The following CSMD3 variants were observed in gnomAD, a reference collection of about 807,000 sequenced individuals.
CSMD3 encodes CUB and sushi domain-containing protein 3.
Under a neutral mutation model 435.2 loss-of-function variants are expected in CSMD3, and 177 were observed. That is an observed-to-expected ratio of 0.41 (90% CI 0.36 to 0.46). CSMD3 has a LOEUF of 0.46. Among genes scored for constraint, CSMD3 ranks in the 20% least tolerant of loss-of-function variants. CSMD3 has a pLI of 0.34. For missense variants in CSMD3, 4,265 were observed against 4,504.6 expected, an observed-to-expected ratio of 0.95 and a Z score of 1.52; for synonymous variants, 1,656 against 1,520.5, an observed-to-expected ratio of 1.09 and a Z score of -2.07.
intron 1 of CSMD3, among the ~76,000 whole-genome samples, chr8:113,416,233 A>G (rs932271197): frequency 7.2e-5 from 11 of 152,110 alleles, no homozygotes; most frequent in African/African-American, 2.4e-4. Flanking sequence ...TTAAAATAGG[A>G]TAGACTACTG....
At chr8:112,505,680 G>A (rs1054512775) in intron 29 of CSMD3, among the ~76,000 whole-genome samples, 54 of 151,280 alleles carry the variant, frequency 3.6e-4, no homozygotes, top group African/African-American at 1.2e-3. Context: ...TAGTTATTAC[G>A]TTTTTTTTCT....
intron 9 of CSMD3, among the ~76,000 whole-genome samples, chr8:112,932,760 A>G (rs1359181962): frequency 2.0e-5 from 3 of 152,168 alleles, no homozygotes; most frequent in Non-Finnish European, 2.9e-5. Context: ...TAATTTCAGT[A>G]TTTGATAGCA....
intron 9 of CSMD3, 87 bp from the exon 10 acceptor site, chr8:112,921,838 T>C: frequency 1.0e-6 from 1 of 1,003,820 alleles, no homozygotes; most frequent in Non-Finnish European, 1.6e-6. Context: ...ATCCAATAGG[T>C]CAAATATGTA....
intron 9 of CSMD3, among the ~76,000 whole-genome samples, chr8:112,932,624 C>T (rs555435182): frequency 4.7e-5 from 7 of 147,538 alleles, no homozygotes; most frequent in South Asian, 2.1e-4. Flanking sequence ...GGAGACAGAG[C>T]GAGAAAAAAA....
At chr8:113,035,809 T>C (rs2087322626) in intron 5 of CSMD3, among the ~76,000 whole-genome samples, 1 of 151,942 alleles carries the variant, frequency 6.6e-6, no homozygotes, top group South Asian at 2.1e-4. Flanking sequence ...GAAAAGATCA[T>C]CTTCCCTATG....
chr8:112,535,478 C>T (rs1586625259), intron 27 of CSMD3, among the ~76,000 whole-genome samples: 2 of 151,472 alleles, frequency 1.3e-5, no homozygotes, highest in African/African-American at 2.4e-5. Context: ...TGTGAAGGAC[C>T]TCTTCAAGGA....
chr8:112,959,026 G>A (rs2084135254), intron 7 of CSMD3, among the ~76,000 whole-genome samples: 1 of 152,008 alleles, frequency 6.6e-6, no homozygotes, highest in African/African-American at 2.4e-5. Flanking sequence ...TTCCTGGCTT[G>A]AAGTTCCTCT....
At chr8:112,756,419 C>T (rs890938615) in intron 13 of CSMD3, among the ~76,000 whole-genome samples, 1 of 152,142 alleles carries the variant, frequency 6.6e-6, no homozygotes, top group Non-Finnish European at 1.5e-5. Flanking sequence ...GAATAAATCT[C>T]AAACAGCATA....
intron 5 of CSMD3, among the ~76,000 whole-genome samples, chr8:113,092,699 A>G (rs1376621547): frequency 6.6e-6 from 1 of 152,068 alleles, no homozygotes; most frequent in Non-Finnish European, 1.5e-5. Context: ...CTCAACTTGA[A>G]CAAGATATGA....
rs373139204 is a variant in CSMD3 at position 112,556,327 on chromosome 8, T to C, written c.4234+436A>G. On this transcript the variant is annotated intron_variant, in intron 25 of 70. Transcript: ENST00000297405. ...CATTCCTTTTCCTACTGAAATTGAGTGCTATGCTGTAACATGCATGAGAAA... is the reference window on the plus strand; with the variant it reads ...CATTCCTTTTCCTACTGAAATTGAGCGCTATGCTGTAACATGCATGAGAAA... Among the ~76,000 whole-genome samples, 55 of 152,134 alleles carry C rather than the reference T, an allele frequency of 3.6e-4. 1 individual carries two copies. Among genetic ancestry groups the C allele is most frequent in the African/African-American group, 1.3e-3 (53 of 41,530 alleles).
At chr8:113,322,321 T>G (rs1007597351) in intron 1 of CSMD3, among the ~76,000 whole-genome samples, 4 of 152,162 alleles carry the variant, frequency 2.6e-5, no homozygotes, top group African/African-American at 9.7e-5. Flanking sequence ...CACATGCACA[T>G]TAGGAACACA....
chr8:112,300,937 CTG>C (rs1204115229), intron 53 of CSMD3, among the ~76,000 whole-genome samples: 3 of 152,072 alleles, frequency 2.0e-5, no homozygotes, highest in Non-Finnish European at 4.4e-5. Context: ...GACAAAAACA[CTG>C]TACAAATTTT....
rs181069703 is a variant in CSMD3, at chr8:113,078,263, T to C, written c.917+20493A>G. Among the ~76,000 whole-genome samples, 30 of 152,280 alleles carry C rather than the reference T, an allele frequency of 2.0e-4. No individual in the cohort carries two copies. In the East Asian group the frequency reaches 5.4e-3, roughly 27 times the overall value. On this transcript the variant is annotated intron_variant, in intron 5 of 70. Transcript: ENST00000297405. ...GAGTGGTTCTGGGGAATAGGAGATA[T>C]GCTATTTATTTATTTATTATTTAAT...
intron 7 of CSMD3, among the ~76,000 whole-genome samples, chr8:112,957,743 G>A (rs989283344): frequency 1.4e-5 from 2 of 141,558 alleles, no homozygotes; most frequent in East Asian, 2.2e-4. Context: ...CACAGCTCCC[G>A]GGCGTGTTTG....
rs143246269 is a variant in CSMD3, at chr8:112,748,832, T to G, written c.1972+51330A>C. On this transcript the variant is annotated intron_variant, in intron 13 of 70. Transcript: ENST00000297405. The stretch of plus-strand genomic sequence containing the variant: ...CCATGTGTATTTATATTAGAATGCT[T>G]TATATTCCTCTGGATATATACCCAG... Among the ~76,000 whole-genome samples the G allele has an allele frequency of 2.0e-3, 312 of 152,338 alleles. 1 individual carries two copies. Among genetic ancestry groups the G allele is most frequent in the African/African-American group, 7.0e-3 (289 of 41,576 alleles).
At chr8:112,698,573 T>C (rs1173250198) in intron 13 of CSMD3, among the ~76,000 whole-genome samples, 1 of 151,976 alleles carries the variant, frequency 6.6e-6, no homozygotes, top group Non-Finnish European at 1.5e-5. Context: ...CCAATAAAAG[T>C]AGGGTGTACT....
At chr8:112,957,262 C>T (rs1250024487) in intron 7 of CSMD3, among the ~76,000 whole-genome samples, 1 of 151,916 alleles carries the variant, frequency 6.6e-6, no homozygotes, top group Non-Finnish European at 1.5e-5. Context: ...AGAAAATTAA[C>T]CTGATTTTTT....
At chr8:112,750,867 T>C (rs1173956696) in intron 13 of CSMD3, among the ~76,000 whole-genome samples, 2 of 152,122 alleles carry the variant, frequency 1.3e-5, no homozygotes, top group Non-Finnish European at 2.9e-5. Context: ...TCCACTTATA[T>C]GTGGCCTTTT....
chr8:112,723,892 G>A, intron 13 of CSMD3, among the ~76,000 whole-genome samples: 1 of 151,876 alleles, frequency 6.6e-6, no homozygotes, highest in East Asian at 1.9e-4. Context: ...AATATGTATT[G>A]AGTACCCACT....
Sources: gnomAD v4.1 joint callset for allele counts (sites outside exome capture counted in the v4.1 genomes callset) on GRCh38, gnomAD v4.1.1 for gene constraint, MANE v1.5 for transcripts, NCBI Gene and HGNC (gene_info 2026-07-23, HGNC 2026-07-21) for gene names.